DLGAP2: variants seen among roughly 807,000 people sequenced by gnomAD.
DLGAP2 encodes the protein DLG associated protein 2, also known as disks large-associated protein 2.
Under a neutral mutation model 100.3 loss-of-function variants are expected in DLGAP2, and 26 were observed. The observed-to-expected ratio is 0.26, with a 90% CI of 0.19 to 0.36. The LOEUF is 0.36. Ranked by LOEUF, DLGAP2 falls within the 10% of genes least tolerant of loss-of-function variation. DLGAP2 has a pLI of 1.00. For missense variants in DLGAP2, 1,858 were observed against 1,453.2 expected (o/e 1.28, Z -4.53); for synonymous variants, 886 against 630.1 (o/e 1.41, Z -6.08).
intron 2 of DLGAP2, among the ~76,000 whole-genome samples, chr8:924,580 T>C (rs556770530): frequency 3.9e-5 from 6 of 152,196 alleles, no homozygotes; most frequent in African/African-American, 1.4e-4. Flanking sequence ...TTATTCTTTT[T>C]TTTTTTTCTT....
rs1382802963 is a variant in DLGAP2, at chr8:1,521,359, C to T, written c.172+19928C>T. Among the ~76,000 whole-genome samples the T allele has an allele frequency of 1.4e-4, 8 of 59,090 alleles. 2 individuals are homozygous for T. Among genetic ancestry groups the T allele is most frequent in the African/African-American group, 4.4e-4 (8 of 18,350 alleles). 38.8% of individuals were successfully genotyped at this position (59,090 alleles called of 152,430 possible). ...TGATATGGGGCATCTGGTTTGCACA[C>T]TTGTTTTAATTTGGAATACTCGGGG... On this transcript the variant is annotated intron_variant, in intron 4 of 14. Coordinates refer to ENST00000637795, the MANE Select transcript of DLGAP2 (RefSeq NM_001346810.2).
At chr8:1,060,171 T>A (rs1267581303) in intron 2 of DLGAP2, among the ~76,000 whole-genome samples, 1 of 152,164 alleles carries the variant, frequency 6.6e-6, no homozygotes, top group East Asian at 1.9e-4. Flanking sequence ...TGCATCCGTT[T>A]CCCGTGGCCA....
chr8:1,070,403 G>A (rs1489310977), intron 2 of DLGAP2, among the ~76,000 whole-genome samples: 1 of 152,150 alleles, frequency 6.6e-6, no homozygotes, highest in African/African-American at 2.4e-5. Flanking sequence ...CCTGAGGGAG[G>A]TGTGTGGATT....
At position 1,093,258 on chromosome 8, in the gene DLGAP2, C is replaced by T. The variant is rs960426956; in HGVS notation, c.74-165593C>T. 2.8e-4 allele frequency among the ~76,000 whole-genome samples: 43 copies of T among 151,914 alleles called. 1 individual carries two copies. On this transcript the variant is annotated intron_variant, in intron 2 of 14. Transcript: ENST00000637795. ...ACAGAAACACCTTCACACCCGCAGC[C>T]AGAAACACCTTCACACCCACAGCCA...
At chr8:1,632,432 A>T (rs1338472935) in intron 7 of DLGAP2, among the ~76,000 whole-genome samples, 3 of 152,204 alleles carry the variant, frequency 2.0e-5, no homozygotes, top group African/African-American at 7.2e-5. Context: ...TCGTGCCATT[A>T]GTAGCTTGGA....
chr8:998,319 T>C (rs7001586), intron 2 of DLGAP2, among the ~76,000 whole-genome samples: 55,082 of 152,060 alleles, frequency 0.36, 10,402 homozygotes, highest in Non-Finnish European at 0.41. Context: ...TCTAGACAGA[T>C]AGACAGGGTC....
At chr8:973,057 T>G (rs1800058156) in intron 2 of DLGAP2, among the ~76,000 whole-genome samples, 1 of 152,260 alleles carries the variant, frequency 6.6e-6, no homozygotes, top group Non-Finnish European at 1.5e-5. Context: ...TCTCTATCTT[T>G]TCACCACATT....
Position 1,364,371 on chromosome 8 carries a change from G to A in DLGAP2, c.106+105488G>A, listed in dbSNP as rs150282602. ...TCTCGTGATCGTCAAGGGCTGCCAC[G>A]TGCGGAATGAGGAGTGGTCTCCTGC... On this transcript the variant is annotated intron_variant, in intron 3 of 14. Transcript: ENST00000637795. 2.9e-3 allele frequency among the ~76,000 whole-genome samples: 444 copies of A among 152,224 alleles called. 3 individuals carry two copies. The highest frequency in any genetic ancestry group is 5.4e-3 in the Non-Finnish European group (370 of 68,018).
At position 874,024 on chromosome 8, in the gene DLGAP2, A is replaced by T. The variant is rs7845732; in HGVS notation, c.19-33888A>T. Among the ~76,000 whole-genome samples, 1,200 of 152,156 alleles carry T rather than the reference A, an allele frequency of 7.9e-3. 9 individuals are homozygous for T. The highest frequency in any genetic ancestry group is 0.027 in the African/African-American group (1,110 of 41,496). On this transcript the variant is annotated intron_variant, in intron 1 of 14. Transcript: ENST00000637795. The stretch of plus-strand genomic sequence containing the variant: ...AAAATTATTCATAGTGTTCCTGTAC[A>T]ATCCTTGTTATTTATGTAAGGTCTG...
Position 1,161,429 on chromosome 8 carries a change from G to C in DLGAP2, c.74-97422G>C, listed in dbSNP as rs954195385. Among the ~76,000 whole-genome samples, 200 of 152,292 alleles carry C rather than the reference G, an allele frequency of 1.3e-3. 4 individuals carry two copies. The highest frequency in any genetic ancestry group is 0.013 in the Admixed American group (193 of 15,294). On this transcript the variant is annotated intron_variant, in intron 2 of 14. Transcript: ENST00000637795. ...TTCTCTCTGGAACAGAGATCAAAAG[G>C]CTTTAAATGCTGGCAGAGGGCTCAG...
In DLGAP2 at chr8:1,561,413, G is replaced by A. The variant is rs915716224; in HGVS notation, c.1231-4270G>A. 5.3e-5 allele frequency among the ~76,000 whole-genome samples: 8 copies of A among 152,310 alleles called. No homozygotes were observed. In the East Asian group the frequency reaches 1.5e-3, roughly 29 times the overall value. ...GGCTTTAGAAGAACCCGGCTGGAGA[G>A]CACCACAGACACCGCCTGTCCAGCT... On this transcript the variant is annotated intron_variant, in intron 5 of 14. Transcript: ENST00000637795.
intron 2 of DLGAP2, among the ~76,000 whole-genome samples, chr8:1,184,902 G>T (rs1563238036): frequency 6.6e-6 from 1 of 152,182 alleles, no homozygotes; most frequent in African/African-American, 2.4e-5. Flanking sequence ...TGTTGCAAAG[G>T]TGACTCACTT....
chr8:1,653,092 G>A (rs977353991), intron 8 of DLGAP2, among the ~76,000 whole-genome samples: 2 of 152,200 alleles, frequency 1.3e-5, no homozygotes, highest in East Asian at 1.9e-4. Context: ...CTATTTCGAC[G>A]ATTAGGATGA....
chr8:1,411,791 C>T (rs997090459), intron 3 of DLGAP2, among the ~76,000 whole-genome samples: 3 of 152,274 alleles, frequency 2.0e-5, no homozygotes, highest in Middle Eastern at 3.4e-3. Flanking sequence ...TGGAAAGCTG[C>T]GCATGAAGTC....
chr8:1,381,827 G>C (rs527479277), intron 3 of DLGAP2, among the ~76,000 whole-genome samples: 1 of 144,228 alleles, frequency 6.9e-6, no homozygotes, highest in East Asian at 2.1e-4. Context: ...GTGTGTGTTT[G>C]TATCACATTT....
At chr8:1,070,243 A>G (rs1038070975) in intron 2 of DLGAP2, among the ~76,000 whole-genome samples, 4 of 151,718 alleles carry the variant, frequency 2.6e-5, no homozygotes, top group African/African-American at 9.7e-5. Flanking sequence ...TAAATGGGAG[A>G]AGGAGATCTT....
chr8:1,187,048 G>T (rs1797520653), intron 2 of DLGAP2, among the ~76,000 whole-genome samples: 1 of 149,984 alleles, frequency 6.7e-6, no homozygotes, highest in African/African-American at 2.4e-5. Flanking sequence ...CCAGGCCCCA[G>T]AATCCCATGG....
chr8:1,326,778 C>G (rs904199817), intron 3 of DLGAP2, among the ~76,000 whole-genome samples: 1 of 152,256 alleles, frequency 6.6e-6, no homozygotes, highest in East Asian at 1.9e-4. Context: ...AAGTTCACAG[C>G]TGTTTCCATC....
At chr8:1,449,665 A>T (rs1258742432) in intron 3 of DLGAP2, among the ~76,000 whole-genome samples, 1 of 152,206 alleles carries the variant, frequency 6.6e-6, no homozygotes, top group Non-Finnish European at 1.5e-5. Context: ...GGAAAGGTCA[A>T]GGCTTCAGCA....
Sources: gnomAD v4.1 joint callset for allele counts (sites outside exome capture counted in the v4.1 genomes callset) on GRCh38, gnomAD v4.1.1 for gene constraint, MANE v1.5 for transcripts, NCBI Gene and HGNC (gene_info 2026-07-23, HGNC 2026-07-21) for gene names.